TRANK1: variants seen among roughly 807,000 people sequenced by gnomAD.
The protein encoded by TRANK1 is TPR and ankyrin repeat-containing protein 1.
A neutral mutation model predicts 266.0 loss-of-function variants in TRANK1; 198 were observed. That is an observed-to-expected ratio of 0.74 (90% confidence interval 0.66 to 0.84). The LOEUF (loss-of-function observed/expected upper bound fraction) is 0.84, where lower values mean the gene tolerates loss of function less well. TRANK1 is among the 40% of genes least tolerant of loss of function. The pLI, the probability that TRANK1 is intolerant of heterozygous loss-of-function variation, is 0.00. For synonymous variants in TRANK1, 1,396 were observed against 1,384.1 expected (o/e 1.01, Z -0.19); for missense variants, 3,326 against 3,634.6 (o/e 0.92, Z 2.18).
At chr3:36,895,539 A>C in intron 5 of TRANK1, 101 bp downstream of exon 5, 1 of 691,040 alleles carries the variant, frequency 1.4e-6, no homozygotes, top group Non-Finnish European at 2.2e-6. Flanking sequence ...CCCTGGCATC[A>C]AGATCAACAA....
At chr3:36,908,984 G>A (rs946966410) in intron 1 of TRANK1, among the ~76,000 whole-genome samples, 1 of 152,182 alleles carries the variant, frequency 6.6e-6, no homozygotes, top group Non-Finnish European at 1.5e-5. Flanking sequence ...AAACTCAGCT[G>A]ATAGTACTTC....
chr3:36,860,323 G>A (rs1242924268), intron 11 of TRANK1, among the ~76,000 whole-genome samples: 1 of 152,190 alleles, frequency 6.6e-6, no homozygotes, highest in East Asian at 1.9e-4. Flanking sequence ...GACAGAGGTA[G>A]GAGGAGGTTG....
chr3:36,878,969 T>C (rs1424365616), intron 8 of TRANK1, among the ~76,000 whole-genome samples: 1 of 152,130 alleles, frequency 6.6e-6, no homozygotes, highest in Non-Finnish European at 1.5e-5. Flanking sequence ...TGCATTTTTA[T>C]ATATAAATGC....
intron 1 of TRANK1, among the ~76,000 whole-genome samples, chr3:36,916,014 A>T (rs1195069107): frequency 6.6e-6 from 1 of 152,216 alleles, no homozygotes. Flanking sequence ...CTTGGAATTC[A>T]TCTAAATGCA....
rs1295009096 is a variant in TRANK1 at position 36,889,864 on chromosome 3, A to T, written c.872T>A (p.Val291Asp). 1 of 1,537,206 alleles carries T rather than the reference A, an allele frequency of 6.5e-7. No individual in the cohort carries two copies. Among genetic ancestry groups the T allele is most frequent in the South Asian group, 1.2e-5 (1 of 84,060 alleles). Residue 291 changes from valine to aspartate, a missense_variant, in exon 8 of 24, where the codon GTC (valine) becomes GAC (aspartate). Physicochemically the swap from Val to Asp is radical, Grantham distance 152 (BLOSUM62 -3). Coordinates refer to ENST00000645898, the MANE Select transcript of TRANK1 (RefSeq NM_001329998.2). ...KDGDGCTVLH[V>D]VAAHSPGYLV... The stretch of plus-strand genomic sequence containing the variant: ...GTATCCTGGGGAGTGGGCAGCGACG[A>T]CGTGCAGGACAGTGCAGCCATCCCC...
At position 36,932,111 on chromosome 3, in the gene TRANK1, C is replaced by G. The variant is rs941840414; in HGVS notation, c.23+12676G>C. On this transcript the variant is annotated intron_variant, in intron 1 of 23. Transcript: ENST00000645898. ...ACATTTGAGGTCATTCTAATGATAC[C>G]AAAAGCAGAAATCATAAAAAAAGTA... Among the ~76,000 whole-genome samples, 8 of 151,974 alleles carry G rather than the reference C, an allele frequency of 5.3e-5. No individual in the cohort carries two copies. The South Asian group carries it at 1.7e-3, about 32-fold the overall frequency.
intron 1 of TRANK1, among the ~76,000 whole-genome samples, chr3:36,926,413 C>T (rs1484422669): frequency 6.6e-6 from 1 of 152,108 alleles, no homozygotes; most frequent in African/African-American, 2.4e-5. Flanking sequence ...ATTGTTAAGC[C>T]CAATACTCTG....
intron 1 of TRANK1, 46 bp from the exon 2 acceptor site, chr3:36,908,500 C>T: frequency 2.4e-6 from 3 of 1,232,160 alleles, no homozygotes; most frequent in Non-Finnish European, 3.0e-6. Flanking sequence ...CCGTGCAGGG[C>T]ATGTTCACCT....
chr3:36,870,947 A>AT (rs1275585887), intron 9 of TRANK1, among the ~76,000 whole-genome samples: 3 of 132,800 alleles, frequency 2.3e-5, no homozygotes, highest in African/African-American at 8.6e-5. Context: ...CAAGGATTGT[A>AT]TTATACAAGG....
chr3:36,844,592 G>C (rs962754604), intron 17 of TRANK1, among the ~76,000 whole-genome samples: 22 of 152,216 alleles, frequency 1.4e-4, no homozygotes, highest in African/African-American at 4.8e-4. Context: ...CTGAAGGAAA[G>C]ATTGAGAATG....
rs932337381 is a variant in TRANK1 at position 36,838,305 on chromosome 3, C to G, written c.5517+67G>C. The G allele has an allele frequency of 5.0e-6, 8 of 1,590,204 alleles. No homozygotes were observed. In the African/African-American group the frequency reaches 1.1e-4, roughly 21 times the overall value. ...CTTCCTGCTATGAGTAGAGGTCGAG[C>G]CTACCCCTCAATCTGCTCAAGTGAA... is the stretch of plus-strand genomic sequence containing the variant. On this transcript the variant is annotated intron_variant, in intron 20 of 23. Coordinates refer to ENST00000645898, the MANE Select transcript of TRANK1 (RefSeq NM_001329998.2).
At chr3:36,871,128 T>A (rs1233827180) in intron 9 of TRANK1, among the ~76,000 whole-genome samples, 1 of 151,988 alleles carries the variant, frequency 6.6e-6, no homozygotes, top group Non-Finnish European at 1.5e-5. Context: ...GTGGCTCACA[T>A]CTGTAATCCC....
At chr3:36,899,615 T>A (rs900280046) in intron 3 of TRANK1, among the ~76,000 whole-genome samples, 4 of 152,200 alleles carry the variant, frequency 2.6e-5, no homozygotes, top group Non-Finnish European at 4.4e-5. Context: ...GTTACAGTCA[T>A]GCTACTGCAC....
intron 8 of TRANK1, among the ~76,000 whole-genome samples, chr3:36,879,537 T>C (rs1222949616): frequency 8.2e-6 from 1 of 122,628 alleles, no homozygotes; most frequent in African/African-American, 2.7e-5. Context: ...ACCCAGATTT[T>C]GTATAAATAT....
At position 36,833,858 on chromosome 3, in the gene TRANK1, G is replaced by T; in HGVS notation, c.5725C>A (p.Gln1909Lys). 6.2e-7 allele frequency: 1 copy of T among 1,613,960 alleles called. No homozygotes were observed. Among genetic ancestry groups the T allele is most frequent in the South Asian group, 1.1e-5 (1 of 91,070 alleles). ...PISKLSYSAS[Q>K]FYLEAAAKYL... is the part of the protein sequence containing the mutation. Reference sequence around the variant, plus strand: ...TTTGCTGCAGCTTCCAAGTAAAACTGACTGGCAGAATAGGAGAGCTTGGAA... The same window carrying T: ...TTTGCTGCAGCTTCCAAGTAAAACTTACTGGCAGAATAGGAGAGCTTGGAA... Residue 1909 changes from glutamine (Q) to lysine (K), a missense_variant, in exon 22 of 24, where the codon CAG becomes AAG. Coordinates refer to ENST00000645898, the MANE Select transcript of TRANK1 (RefSeq NM_001329998.2).
At chr3:36,918,475 GAAA>G (rs2080157324) in intron 1 of TRANK1, among the ~76,000 whole-genome samples, 1 of 10,160 alleles carries the variant, frequency 9.8e-5, no homozygotes, top group Non-Finnish European at 1.9e-4. Flanking sequence ...AAAGAAGAAA[GAAA>G]GAAAGAAAGA....
chr3:36,888,988 G>A (rs1175964873), intron 8 of TRANK1, among the ~76,000 whole-genome samples: 1 of 152,178 alleles, frequency 6.6e-6, no homozygotes, highest in East Asian at 1.9e-4. Context: ...GGAGGTTGCA[G>A]TGAGCCAAGA....
At chr3:36,940,343 C>T (rs1426671552) in intron 1 of TRANK1, among the ~76,000 whole-genome samples, 2 of 151,380 alleles carry the variant, frequency 1.3e-5, no homozygotes, top group Non-Finnish European at 3.0e-5. Context: ...TAAAAAAGTA[C>T]AAAAAAATTA....
chr3:36,850,696 A>C, intron 15 of TRANK1: 10 of 973,754 alleles, frequency 1.0e-5, no homozygotes, highest in Non-Finnish European at 1.1e-5. Context: ...ATGACTTCAA[A>C]AAGTACTCTG....
Sources: allele counts gnomAD v4.1 joint callset (sites outside exome capture counted in the v4.1 genomes callset), GRCh38; gene constraint gnomAD v4.1.1; transcripts MANE v1.5; gene names NCBI Gene and HGNC (gene_info 2026-07-23, HGNC 2026-07-21).